SH3BGRL2: variants seen among roughly 807,000 people sequenced by gnomAD.
The protein encoded by SH3BGRL2 is SH3 domain-binding glutamic acid-rich-like protein 2.
SH3BGRL2 carries 21 observed loss-of-function variants against 14.8 expected under a neutral mutation model. That is an observed-to-expected ratio of 1.42 (90% confidence interval 1.01 to 2.05). The LOEUF (loss-of-function observed/expected upper bound fraction) is 2.05, where lower values mean the gene tolerates loss of function less well. SH3BGRL2 is among the 30% of genes most tolerant of loss of function. The pLI is 0.00. For synonymous variants in SH3BGRL2, 50 were observed against 47.8 expected, an observed-to-expected ratio of 1.05 and a Z score of -0.19; for missense variants, 147 against 130.8, an observed-to-expected ratio of 1.12 and a Z score of -0.61.
At chr6:79,607,869 C>T in the SH3BGRL2 span, among the ~76,000 whole-genome samples, 1 of 152,178 alleles carries the variant, frequency 6.6e-6, no homozygotes, top group East Asian at 1.9e-4. Flanking sequence ...TGCTTGAACC[C>T]CAAGAGACAG....
chr6:79,648,893 C>G (rs1238709346), intron 1 of SH3BGRL2, among the ~76,000 whole-genome samples: 2 of 152,106 alleles, frequency 1.3e-5, no homozygotes, highest in African/African-American at 4.8e-5. Flanking sequence ...CAGGAAGAAT[C>G]TGTGTTATTA....
At chr6:79,642,207 C>G (rs1024897335) in intron 1 of SH3BGRL2, among the ~76,000 whole-genome samples, 2 of 152,114 alleles carry the variant, frequency 1.3e-5, no homozygotes, top group Non-Finnish European at 2.9e-5. Context: ...CATGTACAGA[C>G]TTTTTCTAGT....
At position 79,664,859 on chromosome 6, in the gene SH3BGRL2, T is replaced by A. The variant is rs138847881; in HGVS notation, c.46-8755T>A. 3.7e-3 allele frequency among the ~76,000 whole-genome samples: 564 copies of A among 152,358 alleles called. 2 individuals are homozygous for A. Among genetic ancestry groups the A allele is most frequent in the African/African-American group, 0.013 (548 of 41,590 alleles). On this transcript the variant is annotated intron_variant, in intron 1 of 3. Coordinates refer to ENST00000369838, the MANE Select transcript of SH3BGRL2 (RefSeq NM_031469.4). ...TTTAGAAAAATCTGTGTAAAGTCCC[T>A]GTGTTTTAGTACTGCTAGGTAGCCT...
At chr6:79,670,413 C>T (rs1390178371) in intron 1 of SH3BGRL2, among the ~76,000 whole-genome samples, 1 of 152,206 alleles carries the variant, frequency 6.6e-6, no homozygotes, top group Non-Finnish European at 1.5e-5. Flanking sequence ...GTTTTAGCTC[C>T]AACATGTTGG....
chr6:79,597,871 C>T, the SH3BGRL2 span, among the ~76,000 whole-genome samples: 61 of 152,258 alleles, frequency 4.0e-4, no homozygotes, highest in African/African-American at 1.4e-3. Flanking sequence ...TCTGATGAGA[C>T]GTGTATGTAA....
At chr6:79,602,571 C>T in the SH3BGRL2 span, among the ~76,000 whole-genome samples, 1 of 152,100 alleles carries the variant, frequency 6.6e-6, no homozygotes, top group Non-Finnish European at 1.5e-5. Flanking sequence ...TAAGAGCCCA[C>T]TGAGATAGAG....
chr6:79,678,588 A>G (rs774059791), intron 2 of SH3BGRL2, among the ~76,000 whole-genome samples: 1 of 152,340 alleles, frequency 6.6e-6, no homozygotes, highest in Admixed American at 6.5e-5. Context: ...TAGTGCTGCT[A>G]TGAACATGGG....
intron 1 of SH3BGRL2, among the ~76,000 whole-genome samples, chr6:79,646,448 T>G (rs1769145981): frequency 6.6e-6 from 1 of 152,278 alleles, no homozygotes; most frequent in Non-Finnish European, 1.5e-5. Flanking sequence ...AATCTGGTTC[T>G]GGCGTTGCCA....
At chr6:79,604,589 T>C in the SH3BGRL2 span, among the ~76,000 whole-genome samples, 4 of 152,300 alleles carry the variant, frequency 2.6e-5, no homozygotes, top group Admixed American at 6.5e-5. Flanking sequence ...CCCCATTTTT[T>C]CCCCTTGGTT....
chr6:79,630,064 A>G (rs1768794813), upstream of SH3BGRL2, among the ~76,000 whole-genome samples: 1 of 152,244 alleles, frequency 6.6e-6, no homozygotes, highest in Non-Finnish European at 1.5e-5. Context: ...GAGAGATACT[A>G]AAGACAGCAA....
At chr6:79,633,877 C>A (rs1233774057) in intron 1 of SH3BGRL2, among the ~76,000 whole-genome samples, 1 of 152,110 alleles carries the variant, frequency 6.6e-6, no homozygotes, top group Non-Finnish European at 1.5e-5. Flanking sequence ...CTTGGGCTGG[C>A]GAGGCTAATG....
intron 1 of SH3BGRL2, among the ~76,000 whole-genome samples, chr6:79,659,562 C>T (rs1339847925): frequency 2.0e-5 from 3 of 152,298 alleles, no homozygotes; most frequent in South Asian, 4.1e-4. Flanking sequence ...AATTTGAAGT[C>T]AGGTAGCGTG....
chr6:79,688,220 A>AAAACAG lies in SH3BGRL2; in HGVS notation c.232-8262_232-8261insCAGAAA, dbSNP rs1489523830. On this transcript the variant is annotated intron_variant, in intron 2 of 3. Transcript: ENST00000369838. Reference sequence around the variant, plus strand: ...ATTTAAAAAAAAAAAAACAAAAACAAAAAACCACAACTGTTCAGGTTGCTA... The same window carrying AAAACAG: ...ATTTAAAAAAAAAAAAACAAAAACAAAAACAGAAAACCACAACTGTTCAGGTTGCTA... Among the ~76,000 whole-genome samples the AAAACAG allele has an allele frequency of 4.8e-5, 7 of 144,362 alleles. No homozygotes were observed. The East Asian group carries it at 1.4e-3, about 28-fold the overall frequency. 94.7% of individuals were successfully genotyped at this position (144,362 alleles called of 152,430 possible). A position where few individuals can be genotyped will look rare whatever the true frequency, so the allele number is the denominator to read the frequency against.
At chr6:79,585,663 T>A in the SH3BGRL2 span, among the ~76,000 whole-genome samples, 1 of 152,204 alleles carries the variant, frequency 6.6e-6, no homozygotes, top group Admixed American at 6.5e-5. Flanking sequence ...GCTCACTCTG[T>A]AAGGTCTAGG....
chr6:79,690,988 T>C (rs533001075), intron 2 of SH3BGRL2, among the ~76,000 whole-genome samples: 9 of 152,288 alleles, frequency 5.9e-5, no homozygotes, highest in Non-Finnish European at 8.8e-5. Flanking sequence ...TGATTTTTTT[T>C]CTACAGAAAA....
At chr6:79,589,802 T>C in the SH3BGRL2 span, among the ~76,000 whole-genome samples, 1 of 152,178 alleles carries the variant, frequency 6.6e-6, no homozygotes, top group Admixed American at 6.5e-5. Flanking sequence ...TGGGACAGGG[T>C]CTTGCTCTGT....
the SH3BGRL2 span, among the ~76,000 whole-genome samples, chr6:79,604,506 G>A: frequency 6.6e-6 from 1 of 152,210 alleles, no homozygotes; most frequent in Non-Finnish European, 1.5e-5. Context: ...TCAGGAAACA[G>A]TGGTGGTTTC....
chr6:79,585,891 T>C, the SH3BGRL2 span, among the ~76,000 whole-genome samples: 3 of 151,948 alleles, frequency 2.0e-5, no homozygotes, highest in Non-Finnish European at 4.4e-5. Context: ...ATTCATAAAC[T>C]TTCTTAAAAT....
chr6:79,591,789 C>T, the SH3BGRL2 span, among the ~76,000 whole-genome samples: 1 of 152,184 alleles, frequency 6.6e-6, no homozygotes, highest in Non-Finnish European at 1.5e-5. Flanking sequence ...GTATACTCCA[C>T]TTTATCCAAG....
Sources: gnomAD v4.1 joint callset for allele counts (sites outside exome capture counted in the v4.1 genomes callset) on GRCh38, gnomAD v4.1.1 for gene constraint, MANE v1.5 for transcripts, NCBI Gene and HGNC (gene_info 2026-07-23, HGNC 2026-07-21) for gene names.